SH2D4A: variants seen among roughly 807,000 people sequenced by gnomAD.
The protein encoded by SH2D4A is SH2 domain containing 4A, also known as SH2 domain-containing protein 4A.
A neutral mutation model predicts 64.7 loss-of-function variants in SH2D4A; 70 were observed. The observed-to-expected ratio is 1.08, with a 90% CI of 0.89 to 1.32. The LOEUF is 1.32. Ranked by LOEUF, SH2D4A falls within the 40% of genes most tolerant of loss-of-function variation. SH2D4A has a pLI of 0.00. For synonymous variants in SH2D4A, 268 were observed against 200.7 expected (o/e 1.34, Z -2.83); for missense variants, 706 against 540.1 (o/e 1.31, Z -3.04).
At chr8:19,327,738 T>G (rs1301787730) in intron 2 of SH2D4A, among the ~76,000 whole-genome samples, 8 of 152,222 alleles carry the variant, frequency 5.3e-5, no homozygotes, top group African/African-American at 1.7e-4. Context: ...GTGGTGGGAA[T>G]GTAGCAGACA....
chr8:19,347,932 C>T (rs2052637542), intron 4 of SH2D4A, among the ~76,000 whole-genome samples: 1 of 152,214 alleles, frequency 6.6e-6, no homozygotes, highest in African/African-American at 2.4e-5. Context: ...GCACACACAA[C>T]ACACGTGTGC....
At chr8:19,366,612 T>G (rs1312844360) in intron 7 of SH2D4A, among the ~76,000 whole-genome samples, 2 of 152,100 alleles carry the variant, frequency 1.3e-5, no homozygotes, top group Non-Finnish European at 2.9e-5. Context: ...CCGACCAACA[T>G]GGTGAAACCC....
chr8:19,348,611 G>A (rs781141964), intron 4 of SH2D4A, among the ~76,000 whole-genome samples: 2 of 152,160 alleles, frequency 1.3e-5, no homozygotes, highest in Non-Finnish European at 2.9e-5. Context: ...AGATTCAGAA[G>A]AGAGTTACTG....
At chr8:19,379,221 T>G (rs1422426814) in intron 8 of SH2D4A, among the ~76,000 whole-genome samples, 1 of 152,220 alleles carries the variant, frequency 6.6e-6, no homozygotes, top group Non-Finnish European at 1.5e-5. Context: ...GTGCTTTCTC[T>G]ATGAATCTGA....
In SH2D4A at chr8:19,337,973, G is replaced by A. The variant is rs116587205; in HGVS notation, c.513+3116G>A. ...AGAAAGCAGAGTTATGCTGCCACAA[G>A]ATGGGAGCCACCGGAAGCTGGAAGA... On this transcript the variant is annotated intron_variant, in intron 4 of 9. Coordinates refer to ENST00000265807, the MANE Select transcript of SH2D4A (RefSeq NM_022071.4). 5.7e-3 allele frequency among the ~76,000 whole-genome samples: 872 copies of A among 152,278 alleles called. 10 individuals are homozygous for A. Among genetic ancestry groups the A allele is most frequent in the African/African-American group, 0.02 (832 of 41,572 alleles).
At chr8:19,345,475 A>C (rs2052598645) in intron 4 of SH2D4A, among the ~76,000 whole-genome samples, 2 of 152,224 alleles carry the variant, frequency 1.3e-5, no homozygotes, top group African/African-American at 4.8e-5. Flanking sequence ...TTTGAGCAGC[A>C]GTTAGGCAGG....
chr8:19,331,713 T>C (rs1454010366), intron 2 of SH2D4A, among the ~76,000 whole-genome samples: 1 of 152,192 alleles, frequency 6.6e-6, no homozygotes, highest in Non-Finnish European at 1.5e-5. Flanking sequence ...GAACTCCTGT[T>C]ATGTGGCAGG....
In SH2D4A at chr8:19,394,641, GACAGCCTCCATCAGGGTCATCCT is replaced by G. The variant is rs764662192; in HGVS notation, c.*10_*32del. 8.7e-6 allele frequency: 14 copies of G among 1,604,828 alleles called. No individual in the cohort carries two copies. Among genetic ancestry groups the G allele is most frequent in the South Asian group, 6.7e-5 (6 of 89,998 alleles). ...CCTGACTACCTGGAGCTGTTTGAGTGACAGCCTCCATCAGGGTCATCCTACAGCCTCCAAGCGGGCTTTCCCCT... is the reference window on the plus strand; with the variant it reads ...CCTGACTACCTGGAGCTGTTTGAGTGACAGCCTCCAAGCGGGCTTTCCCCT... On this transcript the variant is annotated stop_retained_variant and 3_prime_UTR_variant, in exon 10 of 10. Coordinates refer to ENST00000265807, the MANE Select transcript of SH2D4A (RefSeq NM_022071.4).
chr8:19,342,529 A>G (rs771495650), intron 4 of SH2D4A, among the ~76,000 whole-genome samples: 9 of 152,324 alleles, frequency 5.9e-5, no homozygotes, highest in Non-Finnish European at 1.0e-4. Context: ...AGCCCTCTAC[A>G]CATTTGGAAA....
At chr8:19,382,780 T>C (rs2053316730) in intron 8 of SH2D4A, among the ~76,000 whole-genome samples, 1 of 151,638 alleles carries the variant, frequency 6.6e-6, no homozygotes, top group South Asian at 2.1e-4. Context: ...TTGTATGTGA[T>C]GAGTTGCTTC....
At chr8:19,383,496 T>C (rs2053334821) in intron 8 of SH2D4A, among the ~76,000 whole-genome samples, 1 of 152,158 alleles carries the variant, frequency 6.6e-6, no homozygotes, top group African/African-American at 2.4e-5. Flanking sequence ...TGACAGTTTC[T>C]GATTTGTTTT....
chr8:19,363,744 C>T (rs1171914142), intron 6 of SH2D4A: 2 of 357,306 alleles, frequency 5.6e-6, no homozygotes. Context: ...TGAACCCATG[C>T]TCAGGCGGGG....
chr8:19,356,889 T>G (rs941871271), intron 4 of SH2D4A, among the ~76,000 whole-genome samples: 5 of 152,222 alleles, frequency 3.3e-5, no homozygotes, highest in Non-Finnish European at 7.3e-5. Flanking sequence ...TAGGGGGTAA[T>G]GTTGATGGCT....
At position 19,373,759 on chromosome 8, in the gene SH2D4A, C is replaced by T; in HGVS notation, c.1048+99C>T. ...GAATAAAAGCTTCCATTTATTGGTGCTGCCCAAAAAGAGTCTTTCAGATTA... is the reference window on the plus strand; with the variant it reads ...GAATAAAAGCTTCCATTTATTGGTGTTGCCCAAAAAGAGTCTTTCAGATTA... On this transcript the variant is annotated intron_variant, in intron 8 of 9. Coordinates refer to ENST00000265807, the MANE Select transcript of SH2D4A (RefSeq NM_022071.4). 3.5e-6 allele frequency: 5 copies of T among 1,429,676 alleles called. No homozygotes were observed. In the South Asian group the frequency reaches 7.5e-5, roughly 21 times the overall value. The allele number at this position is 1,429,676 out of a possible 1,614,324, so 88.6% of individuals were successfully genotyped here.
intron 8 of SH2D4A, among the ~76,000 whole-genome samples, chr8:19,373,921 G>A (rs570039521): frequency 6.6e-6 from 1 of 152,232 alleles, no homozygotes; most frequent in South Asian, 2.1e-4. Context: ...CAGATGGGAG[G>A]GCAAAGAGGC....
intron 2 of SH2D4A, among the ~76,000 whole-genome samples, chr8:19,327,398 G>A (rs909334854): frequency 1.3e-5 from 2 of 152,214 alleles, no homozygotes; most frequent in East Asian, 3.9e-4. Flanking sequence ...ACTAGGAAAA[G>A]ACACGTGCAT....
At position 19,333,100 on chromosome 8, in the gene SH2D4A, G is replaced by A; in HGVS notation, c.327G>A (p.Glu109=). The change falls in exon 3 of 10, where the codon GAG becomes GAA. Residue 109 remains glutamate, a synonymous_variant. Transcript: ENST00000265807. ...AERARLKAEQ[E]AEEPRKTHSE... ...GGGCCCGGCTGAAAGCAGAACAGGA[G>A]GCAGAAGAGCCCAGGTATGAGATCT... is the stretch of plus-strand genomic sequence containing the variant. 6.2e-7 allele frequency: 1 copy of A among 1,611,878 alleles called. No individual in the cohort carries two copies. Among genetic ancestry groups the A allele is most frequent in the Non-Finnish European group, 8.5e-7 (1 of 1,179,488 alleles).
intron 7 of SH2D4A, among the ~76,000 whole-genome samples, chr8:19,364,844 C>G (rs1217564964): frequency 6.6e-6 from 1 of 152,138 alleles, no homozygotes; most frequent in African/African-American, 2.4e-5. Context: ...GATGAATTGT[C>G]TATTTGGTGG....
chr8:19,338,445 C>T (rs757403414), intron 4 of SH2D4A, among the ~76,000 whole-genome samples: 15 of 152,148 alleles, frequency 9.9e-5, no homozygotes, highest in Non-Finnish European at 1.6e-4. Flanking sequence ...TGGTTAAGGA[C>T]GTTGAGATGG....
Sources: allele counts gnomAD v4.1 joint callset (sites outside exome capture counted in the v4.1 genomes callset), GRCh38; gene constraint gnomAD v4.1.1; transcripts MANE v1.5; gene names NCBI Gene and HGNC (gene_info 2026-07-23, HGNC 2026-07-21).